Variants in TPTE2 observed in about 807,000 individuals in gnomAD.
TPTE2 encodes the protein transmembrane phosphoinositide 3-phosphatase and tensin homolog 2, also known as phosphatidylinositol 3,4,5-trisphosphate 3-phosphatase TPTE2.
A neutral mutation model predicts 78.6 loss-of-function variants in TPTE2; 53 were observed. The observed-to-expected ratio is 0.67, with a 90% CI of 0.54 to 0.85. The LOEUF is 0.85. TPTE2 is among the 40% of genes least tolerant of loss of function. The probability of loss-of-function intolerance (pLI) is 0.00; values close to 1 mark genes in which losing one functional copy is unlikely to be tolerated. For synonymous variants in TPTE2, 175 were observed against 206.2 expected (o/e 0.85, Z 1.30); for missense variants, 461 against 623.0 (o/e 0.74, Z 2.77).
At chr13:19,538,053 T>C (rs965835783), upstream of TPTE2, among the ~76,000 whole-genome samples, 1 of 152,242 alleles carries the variant, frequency 6.6e-6, no homozygotes, top group South Asian at 2.1e-4. Context: ...TATATGTGAA[T>C]ATTTCTCCAA....
chr13:19,553,379 T>C, the TPTE2 span, among the ~76,000 whole-genome samples: 2 of 152,170 alleles, frequency 1.3e-5, no homozygotes, highest in South Asian at 2.1e-4. Context: ...GGAAAACAGT[T>C]TGATGGCTTC....
upstream of TPTE2, among the ~76,000 whole-genome samples, chr13:19,539,315 T>C (rs1209104330): frequency 1.3e-5 from 2 of 152,190 alleles, no homozygotes; most frequent in Non-Finnish European, 2.9e-5. Flanking sequence ...AGGGACCTGA[T>C]GGGAGGTAAC....
intron 18 of TPTE2, chr13:19,425,787 T>G (rs4544103): frequency 0.72 from 344,977 of 482,064 alleles, 127,153 homozygotes; most frequent in East Asian, 0.83. Flanking sequence ...ACAGGTCTCC[T>G]GGATGGCTCC....
At chr13:19,539,528 T>C (rs375466950), upstream of TPTE2, among the ~76,000 whole-genome samples, 1 of 152,214 alleles carries the variant, frequency 6.6e-6, no homozygotes, top group African/African-American at 2.4e-5. Context: ...AAACCTCTTT[T>C]TCTTTATAAA....
chr13:19,433,364 C>T (rs369605689), intron 15 of TPTE2, among the ~76,000 whole-genome samples: 3 of 152,168 alleles, frequency 2.0e-5, no homozygotes, highest in East Asian at 3.9e-4. Flanking sequence ...ATAGGCCATG[C>T]GTAGTGATGG....
intron 14 of TPTE2, among the ~76,000 whole-genome samples, 189 bp downstream of exon 17, chr13:19,437,903 C>A (rs966036070): frequency 5.3e-5 from 8 of 152,228 alleles, no homozygotes; most frequent in African/African-American, 9.6e-5. Flanking sequence ...AGAGATTCTG[C>A]AGTCAGCTAC....
At chr13:19,558,153 A>G in the TPTE2 span, among the ~76,000 whole-genome samples, 4 of 152,180 alleles carry the variant, frequency 2.6e-5, no homozygotes, top group Admixed American at 2.6e-4. Context: ...AATATAACCA[A>G]CCAAGTGATT....
intron 13 of TPTE2, among the ~76,000 whole-genome samples, chr13:19,447,502 T>C (rs78310593): frequency 1.1e-4 from 17 of 148,916 alleles, no homozygotes; most frequent in Admixed American, 2.0e-4. Flanking sequence ...CCAGTTTATA[T>C]ACAATATTCC....
intron 1 of TPTE2, among the ~76,000 whole-genome samples, chr13:19,510,189 G>A (rs1008212730): frequency 2.0e-5 from 3 of 152,258 alleles, no homozygotes; most frequent in East Asian, 1.9e-4. Flanking sequence ...TACATAAAGC[G>A]ATAGTCCAAA....
At chr13:19,458,461 A>C (rs1878681066) in intron 10 of TPTE2, 1 of 401,772 alleles carries the variant, frequency 2.5e-6, no homozygotes, top group African/African-American at 2.1e-5. Flanking sequence ...CATTGTTCTT[A>C]ATGCTGGCAA....
chr13:19,479,014 TG>T (rs1334120671), intron 4 of TPTE2, among the ~76,000 whole-genome samples: 1 of 150,504 alleles, frequency 6.6e-6, no homozygotes, highest in Non-Finnish European at 1.5e-5. Context: ...TGTCATGGGG[TG>T]GGGGGATTGG....
chr13:19,525,519 T>G (rs762936028), intron 1 of TPTE2, among the ~76,000 whole-genome samples: 17 of 152,192 alleles, frequency 1.1e-4, no homozygotes, highest in Admixed American at 5.9e-4. Flanking sequence ...ACTGGACCCC[T>G]TCCTTTCACC....
intron 10 of TPTE2, among the ~76,000 whole-genome samples, chr13:19,459,903 G>A (rs563778495): frequency 1.4e-4 from 21 of 152,206 alleles, no homozygotes; most frequent in East Asian, 3.9e-4. Flanking sequence ...CCACCTCCCC[G>A]GGAACTCAGA....
exon 10 of TPTE2, chr13:19,464,515 T>C: frequency 6.2e-7 from 1 of 1,612,750 alleles, no homozygotes; most frequent in Non-Finnish European, 8.5e-7. Context: ...ATAGCAATAA[T>C]ACGTTCTGAA....
upstream of TPTE2, among the ~76,000 whole-genome samples, chr13:19,506,957 A>G (rs542469220): frequency 5.3e-5 from 8 of 152,344 alleles, no homozygotes; most frequent in Non-Finnish European, 7.3e-5. Flanking sequence ...CTTGTGATCT[A>G]TTTATCTTGT....
chr13:19,467,624 C>A (rs1175674953), intron 6 of TPTE2, among the ~76,000 whole-genome samples: 2 of 152,102 alleles, frequency 1.3e-5, no homozygotes, highest in Non-Finnish European at 2.9e-5. Context: ...GTAATAATCA[C>A]CCTTATTGTG....
At chr13:19,446,666 C>A (rs2497234) in intron 13 of TPTE2, among the ~76,000 whole-genome samples, 28,397 of 152,150 alleles carry the variant, frequency 0.19, 3,700 homozygotes, top group African/African-American at 0.37. Flanking sequence ...TCTCTCCGGG[C>A]ATGATGGCTC....
At chr13:19,429,716 A>G (rs1175880335) in intron 17 of TPTE2, among the ~76,000 whole-genome samples, 5 of 152,152 alleles carry the variant, frequency 3.3e-5, no homozygotes, top group Non-Finnish European at 7.4e-5. Context: ...GTGGCAGGGA[A>G]CAGGGTTAGT....
At chr13:19,519,605 T>G (rs749884767) in intron 1 of TPTE2, among the ~76,000 whole-genome samples, 18 of 152,180 alleles carry the variant, frequency 1.2e-4, no homozygotes, top group Non-Finnish European at 2.9e-5. Flanking sequence ...CGGACTTACT[T>G]CTGGACTCTC....
Sources: gnomAD v4.1 joint callset for allele counts (sites outside exome capture counted in the v4.1 genomes callset) on GRCh38, gnomAD v4.1.1 for gene constraint, MANE v1.5 for transcripts, NCBI Gene and HGNC (gene_info 2026-07-23, HGNC 2026-07-21) for gene names.